The following CYP2J2 variants were observed in gnomAD, a reference collection of about 807,000 sequenced individuals.
The protein encoded by CYP2J2 is cytochrome P450 2J2.
In CYP2J2, 41 loss-of-function variants were observed where a neutral mutation model predicts 48.8. The observed-to-expected ratio is 0.84, with a 90% confidence interval of 0.66 to 1.09. CYP2J2 has a LOEUF of 1.09. Among genes scored for constraint, CYP2J2 ranks in the 50% least tolerant of loss-of-function variants. CYP2J2 has a pLI of 0.00. For missense variants in CYP2J2, 644 were observed against 617.3 expected (o/e 1.04, Z -0.46); for synonymous variants, 221 against 227.1 (o/e 0.97, Z 0.24).
At chr1:59,930,610 T>G (rs2102147204), upstream of CYP2J2, among the ~76,000 whole-genome samples, 1 of 152,234 alleles carries the variant, frequency 6.6e-6, no homozygotes, top group South Asian at 2.1e-4. Context: ...TTTTTACTGT[T>G]TAATTATGGG....
intron 1 of CYP2J2, among the ~76,000 whole-genome samples, chr1:59,922,710 T>C (rs1644528802): frequency 6.6e-6 from 1 of 152,190 alleles, no homozygotes; most frequent in Admixed American, 6.5e-5. Context: ...CTTCTATTAA[T>C]CATGACACCA....
chr1:59,927,949 C>G (rs1161224931), upstream of CYP2J2, among the ~76,000 whole-genome samples: 1 of 152,140 alleles, frequency 6.6e-6, no homozygotes, highest in African/African-American at 2.4e-5. Context: ...CCTTCTAGTC[C>G]ACATTTTCCT....
At chr1:59,898,337 C>T (rs1029237810) in intron 8 of CYP2J2, among the ~76,000 whole-genome samples, 1 of 152,178 alleles carries the variant, frequency 6.6e-6, no homozygotes. Context: ...CACCATGTGA[C>T]TAAGCCAGGA....
intron 1 of CYP2J2, among the ~76,000 whole-genome samples, chr1:59,919,417 A>G (rs1444417948): frequency 3.3e-5 from 5 of 151,996 alleles, no homozygotes; most frequent in Non-Finnish European, 4.4e-5. Context: ...CGCTGAGTGT[A>G]TGTGTGTGTG....
the CYP2J2 span, among the ~76,000 whole-genome samples, chr1:59,959,896 G>A: frequency 6.6e-5 from 10 of 152,104 alleles, no homozygotes; most frequent in Non-Finnish European, 1.2e-4. Flanking sequence ...GGACTCCGGG[G>A]GAAGAGTGGG....
At chr1:59,964,714 TTTAG>T in the CYP2J2 span, among the ~76,000 whole-genome samples, 1 of 152,266 alleles carries the variant, frequency 6.6e-6, no homozygotes, top group African/African-American at 2.4e-5. Context: ...GTCTGATTAA[TTTAG>T]TAAAATTTCA....
the CYP2J2 span, among the ~76,000 whole-genome samples, chr1:59,953,065 T>A: frequency 2.0e-5 from 3 of 152,026 alleles, no homozygotes; most frequent in African/African-American, 7.2e-5. Context: ...AAGGAAAAGC[T>A]CTCCTCTGGC....
At chr1:59,943,408 T>C in the CYP2J2 span, among the ~76,000 whole-genome samples, 2 of 152,210 alleles carry the variant, frequency 1.3e-5, no homozygotes, top group Non-Finnish European at 2.9e-5. Flanking sequence ...GGTGATTAGC[T>C]GATGTTTTCT....
chr1:59,907,347 T>G (rs1223431408), intron 6 of CYP2J2, among the ~76,000 whole-genome samples: 2 of 152,078 alleles, frequency 1.3e-5, no homozygotes, highest in Admixed American at 6.6e-5. Flanking sequence ...GAGGCCACCA[T>G]GGAGGGTAGG....
At chr1:59,911,896 C>A in intron 3 of CYP2J2, 128 bp from the exon 4 acceptor site, 4 of 965,298 alleles carry the variant, frequency 4.1e-6, no homozygotes, top group Admixed American at 5.2e-5. Flanking sequence ...GGCCACATGA[C>A]CTTACACTGC....
At position 59,904,881 on chromosome 1, in the gene CYP2J2, T is replaced by C; in HGVS notation, c.1181A>G (p.His394Arg). 6.2e-7 allele frequency: 1 copy of C among 1,613,462 alleles called. No individual in the cohort carries two copies. The highest frequency in any genetic ancestry group is 8.5e-7 in the Non-Finnish European group (1 of 1,179,806). The change falls in exon 7 of 9, where the codon CAC becomes CGC. Residue 394 changes from histidine (H) to arginine (R), a missense_variant. Coordinates refer to ENST00000371204, the MANE Select transcript of CYP2J2 (RefSeq NM_000775.4). ...VTVDTTLAGY[H>R]LPKGTMILTN... ...GATCTGCTTAATTACCTTGGGCAGG[T>C]GGTACCCAGCCAAAGTGGTATCAAC...
chr1:59,907,683 CT>C (rs779699834), intron 6 of CYP2J2, 102 bp downstream of exon 6: 149 of 1,292,056 alleles, frequency 1.2e-4, no homozygotes, highest in Non-Finnish European at 1.5e-4. Flanking sequence ...TGTTCTGCCT[CT>C]CTTTTCATCC....
chr1:59,951,559 T>C, the CYP2J2 span, among the ~76,000 whole-genome samples: 1 of 152,340 alleles, frequency 6.6e-6, no homozygotes, highest in Admixed American at 6.5e-5. Flanking sequence ...TGGGTCCTAT[T>C]TATCTATCTC....
intron 4 of CYP2J2, among the ~76,000 whole-genome samples, chr1:59,911,323 T>C (rs772848182): frequency 1.2e-4 from 18 of 152,262 alleles, no homozygotes; most frequent in Non-Finnish European, 2.1e-4. Flanking sequence ...GCAACAGCAA[T>C]ATTGTTTTTC....
intron 1 of CYP2J2, among the ~76,000 whole-genome samples, chr1:59,920,743 A>C (rs1331267543): frequency 6.6e-6 from 1 of 152,176 alleles, no homozygotes; most frequent in Non-Finnish European, 1.5e-5. Context: ...GAAATTATAC[A>C]AACTTGTTTG....
chr1:59,895,669 C>CT (rs1250693272), intron 8 of CYP2J2, among the ~76,000 whole-genome samples: 1 of 151,668 alleles, frequency 6.6e-6, no homozygotes, highest in Non-Finnish European at 1.5e-5. Context: ...TATTATTATA[C>CT]TTTAAGTTTT....
the CYP2J2 span, among the ~76,000 whole-genome samples, chr1:59,969,100 G>A: frequency 1.4e-4 from 21 of 152,296 alleles, no homozygotes; most frequent in South Asian, 4.1e-3. Context: ...AGACCTTCGC[G>A]GTGTTACAGC....
intron 1 of CYP2J2, among the ~76,000 whole-genome samples, chr1:59,919,439 A>C (rs1481300330): frequency 6.6e-6 from 1 of 152,260 alleles, no homozygotes; most frequent in Non-Finnish European, 1.5e-5. Flanking sequence ...GCACATGTGC[A>C]CGTGTGCACG....
chr1:59,916,091 T>C lies in CYP2J2; in HGVS notation c.220A>G (p.Lys74Glu). The change falls in exon 2 of 9, where the codon AAA becomes GAA. Residue 74 changes from lysine (K) to glutamate (E), a missense_variant. Coordinates refer to ENST00000371204, the MANE Select transcript of CYP2J2 (RefSeq NM_000775.4). ...SHLEVQLFVK[K>E]YGNLFSLELG... The stretch of plus-strand genomic sequence containing the variant: ...TCCAAGCTAAAAAGGTTCCCATATT[T>C]CTTCACAAACTGAAAAATAGTTAAA... 2 of 1,607,950 alleles carry C rather than the reference T, an allele frequency of 1.2e-6. No homozygotes were observed. The highest frequency in any genetic ancestry group is 1.7e-6 in the Non-Finnish European group (2 of 1,177,728).
Sources: allele counts gnomAD v4.1 joint callset (sites outside exome capture counted in the v4.1 genomes callset), GRCh38; gene constraint gnomAD v4.1.1; transcripts MANE v1.5; gene names NCBI Gene and HGNC (gene_info 2026-07-23, HGNC 2026-07-21).